The following POTEE variants were observed in gnomAD, a reference collection of about 807,000 sequenced individuals.
POTEE encodes ANKRD26-like family C member 1A.
In POTEE, 21 loss-of-function variants were observed where a neutral mutation model predicts 74.2. The observed-to-expected ratio is 0.28, with a 90% CI of 0.20 to 0.41. POTEE has a LOEUF of 0.41. Among genes scored for constraint, POTEE ranks in the 10% least tolerant of loss-of-function variants. The probability of loss-of-function intolerance (pLI) is 1.00; values close to 1 mark genes in which losing one functional copy is unlikely to be tolerated. For synonymous variants in POTEE, 211 were observed against 432.8 expected (o/e 0.49, Z 6.36); for missense variants, 525 against 1,158.6 (o/e 0.45, Z 7.94).
intron 4 of POTEE, among the ~76,000 whole-genome samples, chr2:131,222,270 G>A (rs1231990846): frequency 6.6e-6 from 1 of 152,244 alleles, no homozygotes; most frequent in African/African-American, 2.4e-5. Flanking sequence ...GACATGGATG[G>A]TGTTGAAAGC....
chr2:131,256,871 G>T (rs533686877), intron 16 of POTEE, among the ~76,000 whole-genome samples: 1 of 152,430 alleles, frequency 6.6e-6, no homozygotes, highest in African/African-American at 2.4e-5. Flanking sequence ...GGACGCGTCA[G>T]GCTTGAGATT....
At chr2:131,213,387 G>C (rs1387216733) in intron 2 of POTEE, among the ~76,000 whole-genome samples, 2 of 150,168 alleles carry the variant, frequency 1.3e-5, no homozygotes, top group African/African-American at 4.9e-5. Flanking sequence ...GCATTTTCTT[G>C]ACTGCTTTAA....
In POTEE at chr2:131,210,060, G is replaced by A. The variant is rs530742269; in HGVS notation, c.-345+241G>A. ...TGCACTAACGTGTACTGCCGGTGGCGGGGGAGGGGTTAGGGGCACTATTTT... is the reference window on the plus strand; with the variant it reads ...TGCACTAACGTGTACTGCCGGTGGCAGGGGAGGGGTTAGGGGCACTATTTT... On this transcript the variant is annotated intron_variant, in intron 1 of 17. Coordinates refer to ENST00000683005, the MANE Select transcript of POTEE (RefSeq NM_001083538.3). Among the ~76,000 whole-genome samples the A allele has an allele frequency of 1.8e-4, 25 of 139,192 alleles. No individual in the cohort carries two copies. The South Asian group carries it at 4.1e-3, about 23-fold the overall frequency. 91.3% of individuals were successfully genotyped at this position (139,192 alleles called of 152,430 possible).
rs1701866646 is a variant in POTEE at position 131,265,043 on chromosome 2, G to A, written c.*360G>A. 1 of 392,074 alleles carries A rather than the reference G, an allele frequency of 2.6e-6. No homozygotes were observed. The highest frequency in any genetic ancestry group is 5.2e-5 in the East Asian group (1 of 19,204). 24.3% of individuals were successfully genotyped at this position (392,074 alleles called of 1,614,324 possible). A position where few individuals can be genotyped will look rare whatever the true frequency, so the allele number is the denominator to read the frequency against. The stretch of plus-strand genomic sequence containing the variant: ...TCCTCTCCCTAGTTCACACAGGGGA[G>A]GTGATAGCATTGCTTTTGTGCAAAT... On this transcript the variant is annotated 3_prime_UTR_variant, in exon 18 of 18. Coordinates refer to ENST00000683005, the MANE Select transcript of POTEE (RefSeq NM_001083538.3).
rs1271200987 is a variant in POTEE, at chr2:131,211,120, G to A, written c.-252G>A. Among the ~76,000 whole-genome samples, 7 of 151,898 alleles carry A rather than the reference G, an allele frequency of 4.6e-5. No individual in the cohort carries two copies. The South Asian group carries it at 8.3e-4, about 18-fold the overall frequency. On this transcript the variant is annotated 5_prime_UTR_variant, in exon 2 of 18. The change creates a new upstream start codon in the 5' untranslated region. Coordinates refer to ENST00000683005, the MANE Select transcript of POTEE (RefSeq NM_001083538.3). The stretch of plus-strand genomic sequence containing the variant: ...TGGTACGCTGGAGCCTGCATGTGGC[G>A]TGACTCTGCAGCTCGCCTCGTGTGA...
chr2:131,263,683 T>C lies in POTEE; in HGVS notation c.2228T>C (p.Met743Thr). The change falls in exon 18 of 18, where the codon ATG (methionine) becomes ACG (threonine). Residue 743 changes from methionine (M) to threonine (T), a missense_variant. Transcript: ENST00000683005. ...GTGGGGCGCCCCAGGCAGCAGGGCA[T>C]GATGGGGGGCATGCATCAGAAAGAG... is the stretch of plus-strand genomic sequence containing the variant. The part of the protein sequence containing the change: ...SIVGRPRQQG[M>T]MGGMHQKESY... 2 of 1,604,620 alleles carry C rather than the reference T, an allele frequency of 1.2e-6. No individual in the cohort carries two copies. Among genetic ancestry groups the C allele is most frequent in the East Asian group, 4.5e-5 (2 of 44,688 alleles).
chr2:131,211,542 CTTTTTTTTT>C (rs1163533169), intron 2 of POTEE, among the ~76,000 whole-genome samples: 3 of 11,382 alleles, frequency 2.6e-4, no homozygotes, highest in South Asian at 3.6e-3. Context: ...GTGTGTGTGG[CTTTTTTTTT>C]TTTTTTTTTT....
chr2:131,236,069 A>G (rs1460220382), intron 9 of POTEE, among the ~76,000 whole-genome samples: 1 of 150,998 alleles, frequency 6.6e-6, no homozygotes, highest in Non-Finnish European at 1.5e-5. Flanking sequence ...TGTGTAGGCA[A>G]GCTTACAGAA....
Position 131,263,938 on chromosome 2 carries a change from A to G in POTEE, c.2483A>G (p.Asn828Ser), listed in dbSNP as rs1479966238. Residue 828 changes from asparagine to serine, a missense_variant, in exon 18 of 18, where the codon AAC becomes AGC. Coordinates refer to ENST00000683005, the MANE Select transcript of POTEE (RefSeq NM_001083538.3). ...KMTQIMFETFNTPAMYVAIQA... is the reference protein window; with the variant it reads ...KMTQIMFETFSTPAMYVAIQA... Reference sequence around the variant, plus strand: ...ACCCAGATCATGTTTGAGACCTTCAACACCCCAGCCATGTACGTGGCCATC... The same window carrying G: ...ACCCAGATCATGTTTGAGACCTTCAGCACCCCAGCCATGTACGTGGCCATC... The G allele has an allele frequency of 5.6e-6, 9 of 1,614,078 alleles. No individual in the cohort carries two copies. The highest frequency in any genetic ancestry group is 2.2e-5 in the South Asian group (2 of 91,076).
intron 4 of POTEE, among the ~76,000 whole-genome samples, chr2:131,222,819 T>G (rs566020092): frequency 1.4e-4 from 21 of 151,908 alleles, no homozygotes; most frequent in African/African-American, 5.1e-4. Flanking sequence ...ACCTCAGCTT[T>G]CTTATTCCAT....
Position 131,226,031 on chromosome 2 carries a change from G to A in POTEE, c.811-792G>A, listed in dbSNP as rs376758735. On this transcript the variant is annotated intron_variant, in intron 6 of 17. Transcript: ENST00000683005. Reference sequence around the variant, plus strand: ...TGTCTCTTTGTTCAGTCATTCAAGTGCTTAGGTCAGTAAGTCGTTAAGAGC... The same window carrying A: ...TGTCTCTTTGTTCAGTCATTCAAGTACTTAGGTCAGTAAGTCGTTAAGAGC... Among the ~76,000 whole-genome samples the A allele has an allele frequency of 4.4e-3, 665 of 151,154 alleles. 3 individuals are homozygous for A. The highest frequency in any genetic ancestry group is 0.015 in the African/African-American group (609 of 40,496).
intron 4 of POTEE, among the ~76,000 whole-genome samples, chr2:131,221,803 G>A (rs1236033931): frequency 3.3e-5 from 5 of 152,206 alleles, no homozygotes; most frequent in Non-Finnish European, 5.9e-5. Flanking sequence ...AATAGCAAAT[G>A]TAAGTGATTA....
At chr2:131,229,273 A>G (rs1326642717) in intron 8 of POTEE, among the ~76,000 whole-genome samples, 5 of 152,184 alleles carry the variant, frequency 3.3e-5, no homozygotes, top group African/African-American at 4.8e-5. Flanking sequence ...AATGTGGCAG[A>G]AAGAGGTCAG....
At chr2:131,224,479 G>A (rs1270514987) in intron 6 of POTEE, among the ~76,000 whole-genome samples, 1 of 144,514 alleles carries the variant, frequency 6.9e-6, no homozygotes, top group Non-Finnish European at 1.5e-5. Flanking sequence ...ACGAGGTGAT[G>A]CGCCTCTCAC....
At chr2:131,233,506 A>C (rs1401591591) in intron 9 of POTEE, among the ~76,000 whole-genome samples, 2 of 151,764 alleles carry the variant, frequency 1.3e-5, no homozygotes, top group Non-Finnish European at 2.9e-5. Flanking sequence ...CTTGTCATAC[A>C]TCCTTGGAGT....
intron 16 of POTEE, among the ~76,000 whole-genome samples, chr2:131,256,765 T>C (rs1228450797): frequency 7.4e-6 from 1 of 134,400 alleles, no homozygotes; most frequent in African/African-American, 2.8e-5. Flanking sequence ...GGAAGAACCA[T>C]GTACCAGCAC....
In POTEE at chr2:131,264,892, A is replaced by T. The variant is rs1233770297; in HGVS notation, c.*209A>T. On this transcript the variant is annotated 3_prime_UTR_variant, in exon 18 of 18. Transcript: ENST00000683005. Reference sequence around the variant, plus strand: ...TCCTCCAAAGTTCTACAATGTTGCCAAGGACTTTGATTGTACATTGTTCTT... The same window carrying T: ...TCCTCCAAAGTTCTACAATGTTGCCTAGGACTTTGATTGTACATTGTTCTT... The T allele has an allele frequency of 1.0e-6, 1 of 1,004,698 alleles. No individual in the cohort carries two copies. The highest frequency in any genetic ancestry group is 1.4e-6 in the Non-Finnish European group (1 of 691,288). The allele number at this position is 1,004,698 out of a possible 1,614,324, so 62.2% of individuals were successfully genotyped here.
intron 16 of POTEE, among the ~76,000 whole-genome samples, chr2:131,259,218 G>GAT (rs1377266799): frequency 2.9e-4 from 17 of 59,566 alleles, no homozygotes; most frequent in South Asian, 9.9e-4. Context: ...TGTGATGTGA[G>GAT]ATATATATAT....
At position 131,209,830 on chromosome 2, in the gene POTEE, C is replaced by T. The variant is rs1186284329; in HGVS notation, c.-345+11C>T. Among the ~76,000 whole-genome samples the T allele has an allele frequency of 1.4e-4, 21 of 151,884 alleles. No homozygotes were observed. Among genetic ancestry groups the T allele is most frequent in the Non-Finnish European group, 2.1e-4 (14 of 67,934 alleles). ...AATGTCCTGGTGTAGGTGAGTTATC[C>T]GGGGATGTACTGCCCGCCTGTGGGG... On this transcript the variant is annotated intron_variant, in intron 1 of 17. Coordinates refer to ENST00000683005, the MANE Select transcript of POTEE (RefSeq NM_001083538.3).
Sources: gnomAD v4.1 joint callset for allele counts (sites outside exome capture counted in the v4.1 genomes callset) on GRCh38, gnomAD v4.1.1 for gene constraint, MANE v1.5 for transcripts, NCBI Gene and HGNC (gene_info 2026-07-23, HGNC 2026-07-21) for gene names.